Variants in ZNF793 observed in about 807,000 individuals in gnomAD.
ZNF793 encodes the protein zinc finger protein 793.
In ZNF793, 5 loss-of-function variants were observed where a neutral mutation model predicts 12.4. The ratio of observed to expected loss-of-function variants is 0.40; its 90% CI spans 0.21 to 0.84. The LOEUF (loss-of-function observed/expected upper bound fraction) is 0.84, where lower values mean the gene tolerates loss of function less well. Ranked by LOEUF, ZNF793 falls within the 40% of genes least tolerant of loss-of-function variation. The pLI is 0.35. For missense variants in ZNF793, 456 were observed against 495.0 expected (o/e 0.92, Z 0.75); for synonymous variants, 162 against 172.4 (o/e 0.94, Z 0.47).
chr19:37,534,157 C>G (rs1251203579), intron 7 of ZNF793: 1 of 152,156 alleles, frequency 6.6e-6, no homozygotes, highest in African/African-American at 2.4e-5. Context: ...TGTATCTAGT[C>G]AGCCTCCCGT....
In ZNF793 at chr19:37,537,116, T is replaced by C; in HGVS notation, c.458T>C (p.Ile153Thr). The C allele has an allele frequency of 1.9e-6, 3 of 1,613,416 alleles. No individual in the cohort carries two copies. The highest frequency in any genetic ancestry group is 2.2e-5 in the East Asian group (1 of 44,884). The change falls in exon 8 of 8, where the codon ATT (isoleucine) becomes ACT (threonine). Residue 153 changes from isoleucine to threonine, a missense_variant. By Grantham distance (89) the Ile-to-Thr change is moderately conservative. Transcript: ENST00000627814. ...AATTTGAACCATAATTTAGACTTGA[T>C]TGGTTTTAAGAGAAACTGTGCAAAA... ...GKNLNHNLDLIGFKRNCAKKQ... is the reference protein window; with the variant it reads ...GKNLNHNLDLTGFKRNCAKKQ...
At position 37,514,115 on chromosome 19, in the gene ZNF793, T is replaced by G. The variant is rs2147062116; in HGVS notation, c.-276+5712T>G. 2.6e-5 allele frequency among the ~76,000 whole-genome samples: 4 copies of G among 152,328 alleles called. No individual in the cohort carries two copies. The Middle Eastern group carries it at 0.014, about 518-fold the overall frequency. Reference sequence around the variant, plus strand: ...TGTAAAAAGGGGAATAACCATATTATTAAGAAATATTTTTGTAACACTTTC... The same window carrying G: ...TGTAAAAAGGGGAATAACCATATTAGTAAGAAATATTTTTGTAACACTTTC... On this transcript the variant is annotated intron_variant, in intron 2 of 7. Transcript: ENST00000627814.
At position 37,536,972 on chromosome 19, in the gene ZNF793, A is replaced by T. The variant is rs1052093563; in HGVS notation, c.314A>T (p.Lys105Met). ...TTGAGGCCAGGCGCAGCCATAAGCA[A>T]GAAAACATTGCCCAAGGAGAAAAGC... is the stretch of plus-strand genomic sequence containing the variant. ...MLLRPGAAISKKTLPKEKSCE... is the reference protein window; with the variant it reads ...MLLRPGAAISMKTLPKEKSCE... Residue 105 changes from lysine to methionine, a missense_variant, in exon 8 of 8, where the codon AAG becomes ATG. Lys to Met is a moderately conservative substitution (Grantham distance 95). Coordinates refer to ENST00000627814, the MANE Select transcript of ZNF793 (RefSeq NM_001013659.3). 4.3e-6 allele frequency: 7 copies of T among 1,613,942 alleles called. No homozygotes were observed. The Admixed American group carries it at 6.7e-5, about 15-fold the overall frequency.
chr19:37,511,423 G>T, intron 2 of ZNF793, among the ~76,000 whole-genome samples: 1 of 152,182 alleles, frequency 6.6e-6, no homozygotes, highest in East Asian at 1.9e-4. Context: ...GCTCATGCCT[G>T]TAATCCCAGC....
intron 7 of ZNF793, chr19:37,536,296 C>T (rs1012335989): frequency 2.5e-6 from 1 of 396,206 alleles, no homozygotes; most frequent in African/African-American, 2.1e-5. Flanking sequence ...TGTTTGGAAT[C>T]ACCGGGGCAT....
intron 5 of ZNF793, among the ~76,000 whole-genome samples, chr19:37,528,679 A>T (rs989786965): frequency 6.6e-6 from 1 of 152,044 alleles, no homozygotes; most frequent in East Asian, 1.9e-4. Flanking sequence ...TTCACAACTT[A>T]TGCTGGCATC....
chr19:37,528,743 G>A (rs753168004), intron 5 of ZNF793, among the ~76,000 whole-genome samples: 2 of 152,092 alleles, frequency 1.3e-5, no homozygotes, highest in Non-Finnish European at 2.9e-5. Context: ...CATAACCCGA[G>A]GCCTGCCAGG....
intron 2 of ZNF793, among the ~76,000 whole-genome samples, chr19:37,510,172 G>A (rs1213500442): frequency 2.0e-5 from 3 of 151,958 alleles, no homozygotes; most frequent in Admixed American, 6.6e-5. Context: ...ACCAGCCTGC[G>A]CAACATAGCG....
intron 2 of ZNF793, among the ~76,000 whole-genome samples, chr19:37,512,152 A>G (rs928786370): frequency 1.3e-5 from 2 of 151,990 alleles, no homozygotes; most frequent in African/African-American, 4.8e-5. Flanking sequence ...CATCTTGCTC[A>G]CCTTTCCACA....
chr19:37,510,312 C>T (rs182989883), intron 2 of ZNF793, among the ~76,000 whole-genome samples: 4 of 151,044 alleles, frequency 2.6e-5, no homozygotes, highest in Non-Finnish European at 5.9e-5. Flanking sequence ...CAAGACCAGC[C>T]TGGCCAACAT....
Position 37,537,166 on chromosome 19 carries a change from G to C in ZNF793, c.508G>C (p.Gly170Arg). ...AAAGCAAGATGAGTGTTATGCTTATGGGAAATTGCTTCAGCGTATAAATCA... is the reference window on the plus strand; with the variant it reads ...AAAGCAAGATGAGTGTTATGCTTATCGGAAATTGCTTCAGCGTATAAATCA... ...AKKQDECYAY[G>R]KLLQRINHGR... The change falls in exon 8 of 8, where the codon GGG (glycine) becomes CGG (arginine). Residue 170 changes from glycine to arginine, a missense_variant. By Grantham distance (125) the Gly-to-Arg change is moderately radical (BLOSUM62 -2). Coordinates refer to ENST00000627814, the MANE Select transcript of ZNF793 (RefSeq NM_001013659.3). 1 of 1,613,592 alleles carries C rather than the reference G, an allele frequency of 6.2e-7. No individual in the cohort carries two copies. Among genetic ancestry groups the C allele is most frequent in the Non-Finnish European group, 8.5e-7 (1 of 1,179,660 alleles).
chr19:37,516,683 G>C (rs543826132), intron 2 of ZNF793, among the ~76,000 whole-genome samples: 1 of 150,448 alleles, frequency 6.6e-6, no homozygotes, highest in African/African-American at 2.5e-5. Flanking sequence ...TTCTTGCTCT[G>C]TCACCCACAC....
Position 37,510,692 on chromosome 19 carries a change from A to G in ZNF793, c.-276+2289A>G, listed in dbSNP as rs565043999. Among the ~76,000 whole-genome samples the G allele has an allele frequency of 2.7e-5, 4 of 150,814 alleles. No homozygotes were observed. The East Asian group carries it at 8.1e-4, about 30-fold the overall frequency. On this transcript the variant is annotated intron_variant, in intron 2 of 7. Coordinates refer to ENST00000627814, the MANE Select transcript of ZNF793 (RefSeq NM_001013659.3). Reference sequence around the variant, plus strand: ...GAGTGAGACCCTGTTTCAAAAAAAAAAATTCTTTTCTTTTTTTTTTTTGAG... The same window carrying G: ...GAGTGAGACCCTGTTTCAAAAAAAAGAATTCTTTTCTTTTTTTTTTTTGAG...
chr19:37,530,421 G>C (rs2042450176), intron 5 of ZNF793, among the ~76,000 whole-genome samples: 1 of 152,092 alleles, frequency 6.6e-6, no homozygotes, highest in African/African-American at 2.4e-5. Context: ...CTATCACATG[G>C]GGAGAAACCT....
chr19:37,532,002 T>C (rs950328923), intron 5 of ZNF793, among the ~76,000 whole-genome samples: 7 of 150,210 alleles, frequency 4.7e-5, no homozygotes, highest in Admixed American at 3.4e-4. Context: ...ATCAGCACCA[T>C]CTCTTGCACA....
At chr19:37,533,227 T>A in intron 6 of ZNF793, 81 bp from the exon 7 acceptor site, 1 of 1,144,848 alleles carries the variant, frequency 8.7e-7, no homozygotes, top group Non-Finnish European at 1.3e-6. Context: ...TAACATCTAT[T>A]GTGCAGCCTT....
At chr19:37,520,750 C>G (rs2042368712) in intron 3 of ZNF793, among the ~76,000 whole-genome samples, 1 of 152,138 alleles carries the variant, frequency 6.6e-6, no homozygotes, top group South Asian at 2.1e-4. Context: ...TAGACTTGCT[C>G]TCCCGTCATT....
chr19:37,506,811 A>G (rs561974943), upstream of ZNF793: 5 of 152,370 alleles, frequency 3.3e-5, no homozygotes, highest in South Asian at 1.0e-3. Flanking sequence ...CGCCCCAGGT[A>G]GGAGTCAAGT....
intron 2 of ZNF793, among the ~76,000 whole-genome samples, chr19:37,512,710 C>T (rs941751266): frequency 1.4e-4 from 22 of 151,970 alleles, no homozygotes; most frequent in Admixed American, 1.2e-3. Context: ...TATGTGATCA[C>T]AATAATTAAC....
Sources: gnomAD v4.1 joint callset for allele counts (sites outside exome capture counted in the v4.1 genomes callset) on GRCh38, gnomAD v4.1.1 for gene constraint, MANE v1.5 for transcripts, NCBI Gene and HGNC (gene_info 2026-07-23, HGNC 2026-07-21) for gene names.